Variants in CSGALNACT1 observed in about 807,000 individuals in gnomAD.
CSGALNACT1 encodes the protein chondroitin sulfate N-acetylgalactosaminyltransferase 1.
CSGALNACT1 carries 52 observed loss-of-function variants against 51.0 expected under a neutral mutation model. That is an observed-to-expected ratio of 1.02 (90% CI 0.82 to 1.29). CSGALNACT1 has a LOEUF of 1.29. Among genes scored for constraint, CSGALNACT1 ranks in the 50% most tolerant of loss-of-function variants. The pLI is 0.00. For synonymous variants in CSGALNACT1, 341 were observed against 254.4 expected, an observed-to-expected ratio of 1.34 and a Z score of -3.24; for missense variants, 935 against 679.2, an observed-to-expected ratio of 1.38 and a Z score of -4.19.
intron 3 of CSGALNACT1, among the ~76,000 whole-genome samples, chr8:19,587,588 G>A (rs1315725445): frequency 1.3e-5 from 2 of 152,162 alleles, no homozygotes; most frequent in Non-Finnish European, 2.9e-5. Flanking sequence ...CCTGGAATAA[G>A]GTTACCAGAC....
At chr8:19,526,745 AT>A (rs2081791980) in intron 3 of CSGALNACT1, among the ~76,000 whole-genome samples, 1 of 152,202 alleles carries the variant, frequency 6.6e-6, no homozygotes, top group African/African-American at 2.4e-5. Flanking sequence ...AAAAAGCTCC[AT>A]CCTTTACCAA....
chr8:19,483,786 G>T (rs2072119047), intron 4 of CSGALNACT1, among the ~76,000 whole-genome samples: 2 of 152,184 alleles, frequency 1.3e-5, no homozygotes, highest in African/African-American at 2.4e-5. Context: ...ATGTCTGACG[G>T]CAAATAATAA....
At chr8:19,458,790 A>C in intron 4 of CSGALNACT1, 148 bp from the exon 4 acceptor site, 1 of 769,450 alleles carries the variant, frequency 1.3e-6, no homozygotes, top group South Asian at 1.7e-5. Flanking sequence ...AAATGCTCCC[A>C]ATTAAAAAAT....
chr8:19,734,870 T>A (rs553520588), intron 1 of CSGALNACT1, among the ~76,000 whole-genome samples: 1 of 152,232 alleles, frequency 6.6e-6, no homozygotes, highest in Non-Finnish European at 1.5e-5. Context: ...AATATACATA[T>A]ACATTATAAA....
chr8:19,622,751 AAG>A (rs1184371521), intron 1 of CSGALNACT1, among the ~76,000 whole-genome samples: 2 of 152,234 alleles, frequency 1.3e-5, no homozygotes, highest in Non-Finnish European at 2.9e-5. Context: ...TAAGCTAATA[AAG>A]AGGGGGGAAA....
chr8:19,652,037 C>T (rs895359014), intron 1 of CSGALNACT1, among the ~76,000 whole-genome samples: 1 of 152,072 alleles, frequency 6.6e-6, no homozygotes, highest in African/African-American at 2.4e-5. Context: ...CTCAAGCAAT[C>T]CCCTGCTCCA....
intron 3 of CSGALNACT1, among the ~76,000 whole-genome samples, chr8:19,565,278 C>G (rs915038366): frequency 6.6e-6 from 1 of 152,186 alleles, no homozygotes; most frequent in Non-Finnish European, 1.5e-5. Flanking sequence ...TTTAATCTGA[C>G]TCCCAGATTG....
At chr8:19,519,773 G>A (rs2080272172) in intron 3 of CSGALNACT1, among the ~76,000 whole-genome samples, 1 of 152,184 alleles carries the variant, frequency 6.6e-6, no homozygotes, top group Non-Finnish European at 1.5e-5. Flanking sequence ...AATGGCTGCT[G>A]TATGCTCCCT....
At chr8:19,646,905 G>T (rs1244120898) in intron 1 of CSGALNACT1, among the ~76,000 whole-genome samples, 1 of 152,196 alleles carries the variant, frequency 6.6e-6, no homozygotes, top group Admixed American at 6.5e-5. Flanking sequence ...AGTTGCTAAG[G>T]AGAAATAACA....
chr8:19,526,785 A>G (rs2081798576), intron 3 of CSGALNACT1, among the ~76,000 whole-genome samples: 1 of 152,200 alleles, frequency 6.6e-6, no homozygotes, highest in African/African-American at 2.4e-5. Flanking sequence ...CTTCTCCAAC[A>G]GGTATTTCAT....
intron 4 of CSGALNACT1, among the ~76,000 whole-genome samples, chr8:19,483,723 G>A (rs1266142569): frequency 4.6e-5 from 7 of 152,146 alleles, no homozygotes; most frequent in Non-Finnish European, 8.8e-5. Context: ...TTACTCATCT[G>A]TGCAGCCCAG....
chr8:19,573,212 C>A (rs1470340419), intron 3 of CSGALNACT1, among the ~76,000 whole-genome samples: 1 of 152,198 alleles, frequency 6.6e-6, no homozygotes, highest in African/African-American at 2.4e-5. Flanking sequence ...CAAATTAGCC[C>A]TTACCCACTT....
intron 3 of CSGALNACT1, among the ~76,000 whole-genome samples, chr8:19,579,972 T>C (rs1416527111): frequency 6.6e-6 from 1 of 152,198 alleles, no homozygotes; most frequent in Non-Finnish European, 1.5e-5. Context: ...AGCTGCTGTT[T>C]GCTGTTTGCA....
intron 1 of CSGALNACT1, among the ~76,000 whole-genome samples, chr8:19,682,073 TGAG>T (rs993109873): frequency 2.6e-5 from 4 of 152,172 alleles, no homozygotes; most frequent in African/African-American, 9.7e-5. Flanking sequence ...ACAAGAAACT[TGAG>T]GAGTCTGAGA....
chr8:19,503,413 T>A (rs915155480), intron 4 of CSGALNACT1, among the ~76,000 whole-genome samples: 1 of 152,206 alleles, frequency 6.6e-6, no homozygotes, highest in Non-Finnish European at 1.5e-5. Context: ...CTACTGTGCA[T>A]AGAATAGCAG....
chr8:19,657,426 A>T (rs1202599151), intron 1 of CSGALNACT1, among the ~76,000 whole-genome samples: 1 of 152,202 alleles, frequency 6.6e-6, no homozygotes, highest in African/African-American at 2.4e-5. Flanking sequence ...TCTAGAATTG[A>T]CAAAAAACAT....
At chr8:19,593,348 T>C (rs978933806) in intron 2 of CSGALNACT1, among the ~76,000 whole-genome samples, 4 of 152,188 alleles carry the variant, frequency 2.6e-5, no homozygotes, top group African/African-American at 9.6e-5. Context: ...ATAGGGACCT[T>C]ACTGGTAAGG....
intron 3 of CSGALNACT1, among the ~76,000 whole-genome samples, chr8:19,523,925 C>T (rs10087317): frequency 6.6e-6 from 1 of 152,144 alleles, no homozygotes; most frequent in Non-Finnish European, 1.5e-5. Flanking sequence ...TTCTGCAGAG[C>T]CTTTCAAGTT....
At chr8:19,672,144 C>T (rs1437455975) in intron 1 of CSGALNACT1, among the ~76,000 whole-genome samples, 1 of 152,196 alleles carries the variant, frequency 6.6e-6, no homozygotes, top group Admixed American at 6.5e-5. Context: ...TTGTCTCCCT[C>T]TCTTTCTGTC....
Sources: allele counts gnomAD v4.1 joint callset (sites outside exome capture counted in the v4.1 genomes callset), GRCh38; gene constraint gnomAD v4.1.1; transcripts MANE v1.5; gene names NCBI Gene and HGNC (gene_info 2026-07-23, HGNC 2026-07-21).